Variants in KIAA0513 observed in about 807,000 individuals in gnomAD.
The protein encoded by KIAA0513 is KIAA0513.
In KIAA0513, 39 loss-of-function variants were observed where a neutral mutation model predicts 56.5. The observed-to-expected ratio is 0.69, with a 90% CI of 0.53 to 0.90. The LOEUF (loss-of-function observed/expected upper bound fraction) is 0.90. Among genes scored for constraint, KIAA0513 ranks in the 40% least tolerant of loss-of-function variants. The pLI is 0.00. For synonymous variants in KIAA0513, 268 were observed against 215.6 expected (o/e 1.24, Z -2.13); for missense variants, 591 against 535.2 (o/e 1.10, Z -1.03).
At chr16:85,073,228 G>A (rs1478225493) in intron 4 of KIAA0513, among the ~76,000 whole-genome samples, 4 of 152,334 alleles carry the variant, frequency 2.6e-5, no homozygotes, top group East Asian at 1.9e-4. Context: ...GAGGGCTGCC[G>A]CTGCGTGTGA....
In KIAA0513 at chr16:85,077,559, A is replaced by G. The variant is rs200910337; in HGVS notation, c.709A>G (p.Arg237Gly). The change falls in exon 6 of 13, where the codon AGG becomes GGG. Residue 237 changes from arginine (R) to glycine (G), a missense_variant. Transcript: ENST00000683363. ...GCGGCTGCTGAAGAACACCTCGGCCAGGACTGAGAATGTCAAGGGCTTCTT... is the reference window on the plus strand; with the variant it reads ...GCGGCTGCTGAAGAACACCTCGGCCGGGACTGAGAATGTCAAGGGCTTCTT... ...AERLLKNTSA[R>G]TENVKGFFGG... The G allele has an allele frequency of 2.8e-5, 46 of 1,614,054 alleles. No individual in the cohort carries two copies. Among genetic ancestry groups the G allele is most frequent in the African/African-American group, 1.3e-4 (10 of 74,958 alleles).
chr16:85,051,139 C>T (rs1458163403), intron 1 of KIAA0513, among the ~76,000 whole-genome samples: 1 of 151,850 alleles, frequency 6.6e-6, no homozygotes, highest in Non-Finnish European at 1.5e-5. Flanking sequence ...GAGTGAGACC[C>T]TGTCTTAAAA....
rs189933355 is a variant in KIAA0513, at chr16:85,079,285, G to A, written c.902+282G>A. 966 of 483,006 alleles carry A rather than the reference G, an allele frequency of 2.0e-3. 8 individuals carry two copies. The highest frequency in any genetic ancestry group is 0.015 in the African/African-American group (794 of 52,374). The allele number at this position is 483,006 out of a possible 1,614,324, so 29.9% of individuals were successfully genotyped here. A position where few individuals can be genotyped will look rare whatever the true frequency, so the allele number is the denominator to read the frequency against. On this transcript the variant is annotated intron_variant, in intron 8 of 12. Transcript: ENST00000683363. ...ACAAGAGTTACTCTGTGACCCAGCA[G>A]CTCCACTCCTAGGAGTCGCCCAAGA...
At chr16:85,056,587 A>T (rs2073332743) in intron 1 of KIAA0513, among the ~76,000 whole-genome samples, 1 of 152,016 alleles carries the variant, frequency 6.6e-6, no homozygotes, top group African/African-American at 2.4e-5. Context: ...TTCCCTGAGA[A>T]TCTCCTTGCC....
At chr16:85,053,233 T>G (rs2073279680) in intron 1 of KIAA0513, among the ~76,000 whole-genome samples, 1 of 152,162 alleles carries the variant, frequency 6.6e-6, no homozygotes, top group East Asian at 1.9e-4. Flanking sequence ...TATGAGTTAT[T>G]GGAAGGCAGA....
At chr16:85,042,466 A>G (rs1265466174) in intron 1 of KIAA0513, among the ~76,000 whole-genome samples, 1 of 152,118 alleles carries the variant, frequency 6.6e-6, no homozygotes, top group East Asian at 1.9e-4. Flanking sequence ...GCAATATTGT[A>G]AGGCTGTGGA....
chr16:85,067,451 G>A (rs760139964), intron 2 of KIAA0513, 51 bp downstream of exon 2: 116 of 1,413,934 alleles, frequency 8.2e-5, no homozygotes, highest in Non-Finnish European at 1.1e-4. Flanking sequence ...AGGGCCCAAG[G>A]GGACTCGCCT....
intron 4 of KIAA0513, among the ~76,000 whole-genome samples, chr16:85,073,529 C>G (rs574972926): frequency 6.6e-6 from 1 of 152,240 alleles, no homozygotes; most frequent in African/African-American, 2.4e-5. Context: ...CCAATCCCAT[C>G]TCTGCCCCCG....
Position 85,089,498 on chromosome 16 carries a change from CG to C in KIAA0513, c.*1177del. On this transcript the variant is annotated 3_prime_UTR_variant, in exon 13 of 13. Coordinates refer to ENST00000683363, the MANE Select transcript of KIAA0513 (RefSeq NM_001388359.1). The surrounding 1 kb of genome is among the most constrained non-coding windows in gnomAD (Gnocchi z 4.2). ...GGTACTCCAGGCCAGCCCATGGGCC[CG>C]GGGCCTGACCCCAACACCTGCATGC... 6.5e-6 allele frequency: 1 copy of C among 152,694 alleles called. No homozygotes were observed. The highest frequency in any genetic ancestry group is 1.5e-5 in the Non-Finnish European group (1 of 68,332). The allele number at this position is 152,694 out of a possible 1,614,324, so 9.5% of individuals were successfully genotyped here.
chr16:85,081,409 G>T lies in KIAA0513; in HGVS notation c.980+17G>T. 1 of 1,551,426 alleles carries T rather than the reference G, an allele frequency of 6.4e-7. No individual in the cohort carries two copies. The highest frequency in any genetic ancestry group is 8.7e-7 in the Non-Finnish European group (1 of 1,145,704). ...CACTACCAGGTAGGAGCAAAGTGTG[G>T]CCCCATTTGGCCTCAGGAAAAAGGA... On this transcript the variant is annotated intron_variant, in intron 9 of 12. Transcript: ENST00000683363. The surrounding 1 kb of genome is among the most constrained non-coding windows in gnomAD (Gnocchi z 4.4).
chr16:85,059,247 C>T (rs536054225), intron 1 of KIAA0513, among the ~76,000 whole-genome samples: 17 of 152,058 alleles, frequency 1.1e-4, no homozygotes, highest in African/African-American at 3.9e-4. Flanking sequence ...TAATGTGCGT[C>T]TTGCAGGTAT....
At chr16:85,047,379 C>A (rs999795573) in intron 1 of KIAA0513, among the ~76,000 whole-genome samples, 53 of 152,282 alleles carry the variant, frequency 3.5e-4, no homozygotes, top group African/African-American at 1.3e-3. Flanking sequence ...GAGCACTTTC[C>A]GGTTTCCTGG....
At chr16:85,071,001 A>G (rs2073565069) in intron 2 of KIAA0513, among the ~76,000 whole-genome samples, 1 of 152,250 alleles carries the variant, frequency 6.6e-6, no homozygotes, top group Non-Finnish European at 1.5e-5. Context: ...GTAAATAAGG[A>G]CCAAGATGTT....
intron 1 of KIAA0513, among the ~76,000 whole-genome samples, chr16:85,061,330 C>T (rs745510859): frequency 6.6e-6 from 1 of 152,180 alleles, no homozygotes; most frequent in Non-Finnish European, 1.5e-5. Context: ...TCTGAGATGT[C>T]GCTGTAAGAG....
At chr16:85,067,793 A>ATTCTC (rs2073510153) in intron 2 of KIAA0513, among the ~76,000 whole-genome samples, 1 of 151,360 alleles carries the variant, frequency 6.6e-6, no homozygotes, top group South Asian at 2.1e-4. Flanking sequence ...CTTTTTGTTT[A>ATTCTC]TTTTCTTTTC....
chr16:85,068,545 G>T (rs1225332394), intron 2 of KIAA0513, among the ~76,000 whole-genome samples: 2 of 151,084 alleles, frequency 1.3e-5, no homozygotes, highest in Admixed American at 1.3e-4. Context: ...TGTTAGCCAG[G>T]ATGGTCTCGA....
In KIAA0513 at chr16:85,076,747, C is replaced by T. The variant is rs965238526; in HGVS notation, c.575-678C>T. ...AGGCCCTTCCTGCCAGGCCACACGT[C>T]GGCTGCTTTGGGTGGGGTAGGAACC... On this transcript the variant is annotated intron_variant, in intron 5 of 12. Transcript: ENST00000683363. This position sits in a 1 kb window ranked among gnomAD's most constrained non-coding sequence, Gnocchi z 4.7. Among the ~76,000 whole-genome samples, 13 of 152,180 alleles carry T rather than the reference C, an allele frequency of 8.5e-5. No homozygotes were observed. Among genetic ancestry groups the T allele is most frequent in the African/African-American group, 2.9e-4 (12 of 41,436 alleles).
At chr16:85,054,116 T>C (rs1020711182) in intron 1 of KIAA0513, among the ~76,000 whole-genome samples, 4 of 152,208 alleles carry the variant, frequency 2.6e-5, no homozygotes, top group African/African-American at 7.2e-5. Context: ...GCTGTGATTG[T>C]GCCACTGCAC....
chr16:85,065,004 G>C (rs1386469636), intron 1 of KIAA0513, among the ~76,000 whole-genome samples: 1 of 152,210 alleles, frequency 6.6e-6, no homozygotes, highest in Non-Finnish European at 1.5e-5. Flanking sequence ...ATTTCCTCTT[G>C]CGTGCCTTGC....
Sources: allele counts gnomAD v4.1 joint callset (sites outside exome capture counted in the v4.1 genomes callset), GRCh38; gene constraint gnomAD v4.1.1; non-coding constraint Gnocchi (gnomAD v3.1); transcripts MANE v1.5; gene names NCBI Gene and HGNC (gene_info 2026-07-23, HGNC 2026-07-21).